Variants in AKT3 observed in about 807,000 individuals in gnomAD.
The protein encoded by AKT3 is RAC-gamma serine/threonine-protein kinase.
Under a neutral mutation model 65.3 loss-of-function variants are expected in AKT3, and 15 were observed. That is an observed-to-expected ratio of 0.23 (90% CI 0.15 to 0.35). The LOEUF is 0.35. Ranked by LOEUF, AKT3 falls within the 10% of genes least tolerant of loss-of-function variation. The pLI is 1.00. For missense variants in AKT3, 243 were observed against 576.5 expected (o/e 0.42, Z 5.92); for synonymous variants, 206 against 183.8 (o/e 1.12, Z -0.98).
At chr1:243,510,752 T>C (rs1669961894) in intron 13 of AKT3, among the ~76,000 whole-genome samples, 1 of 152,188 alleles carries the variant, frequency 6.6e-6, no homozygotes, top group Non-Finnish European at 1.5e-5. Context: ...TGCAAACCAG[T>C]GTGAGCAAGT....
intron 6 of AKT3, among the ~76,000 whole-genome samples, chr1:243,623,110 T>C (rs1229424678): frequency 6.6e-6 from 1 of 152,160 alleles, no homozygotes; most frequent in Non-Finnish European, 1.5e-5. Context: ...ATGCTGGAGA[T>C]CTTGGGCCAC....
intron 5 of AKT3, among the ~76,000 whole-genome samples, chr1:243,643,335 C>G (rs1389539877): frequency 1.5e-4 from 23 of 152,132 alleles, no homozygotes; most frequent in Admixed American, 1.5e-3. Context: ...GCCAGTTGAT[C>G]CCAGAGAAGC....
intron 13 of AKT3, chr1:243,488,964 T>A: frequency 6.2e-7 from 1 of 1,612,726 alleles, no homozygotes; most frequent in African/African-American, 1.3e-5. Context: ...CTGGGCCTGT[T>A]GAAAGGCTGA....
intron 2 of AKT3, among the ~76,000 whole-genome samples, chr1:243,796,233 T>C (rs1285950530): frequency 6.6e-6 from 1 of 152,196 alleles, no homozygotes; most frequent in Non-Finnish European, 1.5e-5. Context: ...TAGGCAGGGA[T>C]TAGGAAATAA....
At chr1:243,545,476 A>C in intron 12 of AKT3, 34 bp downstream of exon 12, 1 of 1,367,526 alleles carries the variant, frequency 7.3e-7, no homozygotes, top group Middle Eastern at 1.8e-4. Context: ...GTGCAGCCAA[A>C]ATATATACAC....
chr1:243,753,794 T>C (rs1486306233), intron 2 of AKT3, among the ~76,000 whole-genome samples: 1 of 152,154 alleles, frequency 6.6e-6, no homozygotes. Context: ...AATAACTGAA[T>C]AGGAACATTG....
chr1:243,642,848 T>A (rs1349347293), intron 5 of AKT3, among the ~76,000 whole-genome samples: 1 of 152,058 alleles, frequency 6.6e-6, no homozygotes, highest in Non-Finnish European at 1.5e-5. Context: ...CAAATTAGAT[T>A]AAAAATAAAC....
At chr1:243,849,817 C>A (rs1005022660) in intron 1 of AKT3, among the ~76,000 whole-genome samples, 5 of 151,790 alleles carry the variant, frequency 3.3e-5, no homozygotes, top group Non-Finnish European at 7.4e-5. Flanking sequence ...CGGTGTCAAC[C>A]GCGCTGGGCA....
At chr1:243,793,251 A>G (rs532181140) in intron 2 of AKT3, 1 of 152,244 alleles carries the variant, frequency 6.6e-6, no homozygotes, top group South Asian at 2.1e-4. Context: ...TTTTATTTTA[A>G]AATTTTTTTT....
At chr1:243,731,039 T>G (rs1467352986) in intron 2 of AKT3, among the ~76,000 whole-genome samples, 2 of 152,056 alleles carry the variant, frequency 1.3e-5, no homozygotes, top group Admixed American at 1.3e-4. Context: ...GCTGAGTGGG[T>G]GGAACGAGCA....
rs1671117704 is a variant in AKT3, at chr1:243,526,778, T to TAAAAAAAAAAAAAAAAA, written c.1252-14353_1252-14352insTTTTTTTTTTTTTTTTT. 3.9e-4 allele frequency among the ~76,000 whole-genome samples: 22 copies of TAAAAAAAAAAAAAAAAA among 55,724 alleles called. 9 individuals carry two copies. The highest frequency in any genetic ancestry group is 4.6e-4 in the Non-Finnish European group (13 of 28,126). The allele number at this position is 55,724 out of a possible 152,430, so 36.6% of individuals were successfully genotyped here. A position where few individuals can be genotyped will look rare whatever the true frequency, so the allele number is the denominator to read the frequency against. ...TTGCCAGCTGCACTACAAAAAATGG[T>TAAAAAAAAAAAAAAAAA]TAAAAAAAAAAAAAAAAAAAAAAAA... is the stretch of plus-strand genomic sequence containing the variant. On this transcript the variant is annotated intron_variant, in intron 12 of 13. Transcript: ENST00000673466.
intron 2 of AKT3, among the ~76,000 whole-genome samples, chr1:243,696,152 T>G (rs1685049996): frequency 6.6e-6 from 1 of 151,758 alleles, no homozygotes; most frequent in Non-Finnish European, 1.5e-5. Context: ...TGTCTTTTTT[T>G]TTTCAAAAAA....
intron 2 of AKT3, among the ~76,000 whole-genome samples, chr1:243,710,682 T>G (rs968498509): frequency 6.6e-6 from 1 of 152,206 alleles, no homozygotes; most frequent in East Asian, 1.9e-4. Context: ...TACATCTGTA[T>G]GGGAATTAAT....
chr1:243,653,097 C>A (rs558721816), intron 4 of AKT3, among the ~76,000 whole-genome samples: 3 of 151,694 alleles, frequency 2.0e-5, no homozygotes, highest in Admixed American at 6.6e-5. Context: ...AATAGATAGA[C>A]CTCTAGCCAG....
At chr1:243,850,650 C>T (rs903643041), upstream of AKT3, among the ~76,000 whole-genome samples, 10 of 151,834 alleles carry the variant, frequency 6.6e-5, no homozygotes, top group African/African-American at 2.4e-4. Flanking sequence ...ACGTCAGGGG[C>T]TGGCTCTCGG....
chr1:243,739,162 A>T (rs988526229), intron 2 of AKT3, among the ~76,000 whole-genome samples: 4 of 152,334 alleles, frequency 2.6e-5, no homozygotes, highest in African/African-American at 9.6e-5. Context: ...AATGTGACAC[A>T]TACATGTAAT....
At chr1:243,718,262 T>A (rs1338085607) in intron 2 of AKT3, among the ~76,000 whole-genome samples, 1 of 152,188 alleles carries the variant, frequency 6.6e-6, no homozygotes, top group African/African-American at 2.4e-5. Flanking sequence ...TACACACAAC[T>A]GGGGACATGG....
At chr1:243,645,304 T>C (rs1680724257) in intron 5 of AKT3, among the ~76,000 whole-genome samples, 1 of 152,210 alleles carries the variant, frequency 6.6e-6, no homozygotes, top group African/African-American at 2.4e-5. Flanking sequence ...AAATTGCTTT[T>C]CAATTTTCTA....
rs1014650411 is a variant in AKT3, at chr1:243,508,432, C to A, written c.1355-3098G>T. On this transcript the variant is annotated intron_variant, in intron 13 of 13. Transcript: ENST00000673466. ...TGCCTGCAGATGCGTCGATGCTAGT[C>A]TTTGCCTGGGCATACTCTGCTGAGC... Among the ~76,000 whole-genome samples the A allele has an allele frequency of 2.0e-5, 3 of 152,220 alleles. No homozygotes were observed. In the South Asian group the frequency reaches 6.2e-4, roughly 32 times the overall value.
Sources: allele counts gnomAD v4.1 joint callset (sites outside exome capture counted in the v4.1 genomes callset), GRCh38; gene constraint gnomAD v4.1.1; transcripts MANE v1.5; gene names NCBI Gene and HGNC (gene_info 2026-07-23, HGNC 2026-07-21).